Variants in KANTR observed in about 807,000 individuals in gnomAD.
KANTR encodes KDM5C adjacent transcript.
At chrX:53,138,463 G>A (rs190145234) in intron 2 of KANTR, among the ~76,000 whole-genome samples, 4,366 of 106,453 alleles carry the variant, frequency 0.041, 223 homozygotes, top group African/African-American at 0.14. Flanking sequence ...GAGAGTTCAA[G>A]ACCAGCCTGA....
chrX:53,132,662 G>A (rs782082483), intron 2 of KANTR, among the ~76,000 whole-genome samples: 3 of 111,390 alleles, frequency 2.7e-5, no homozygotes, highest in African/African-American at 9.8e-5. Flanking sequence ...TATCCCCATG[G>A]GCCCTCCAAA....
In KANTR at chrX:53,101,981, C is replaced by T. The variant is rs781960219; in HGVS notation, c.-805+2373C>T. 6.0e-5 allele frequency among the ~76,000 whole-genome samples: 6 copies of T among 100,127 alleles called. No homozygotes were observed. The South Asian group carries it at 2.8e-3, about 47-fold the overall frequency. 86.9% of individuals were successfully genotyped at this position (100,127 alleles called of 115,157 possible). A position where few individuals can be genotyped will look rare whatever the true frequency, so the allele number is the denominator to read the frequency against. On this transcript the variant is annotated intron_variant, in intron 2 of 2. Transcript: ENST00000604062. ...CGCCACTGCACTCTAGCCTGGGTGACAGGAGTGAAACCCTGTCTCAAAAAA... is the reference window on the plus strand; with the variant it reads ...CGCCACTGCACTCTAGCCTGGGTGATAGGAGTGAAACCCTGTCTCAAAAAA...
intron 2 of KANTR, among the ~76,000 whole-genome samples, chrX:53,140,836 C>A (rs1465681334): frequency 8.9e-6 from 1 of 112,044 alleles, no homozygotes; most frequent in African/African-American, 3.2e-5. Context: ...TAAAGTATCT[C>A]TAACATTTGT....
intron 2 of KANTR, among the ~76,000 whole-genome samples, chrX:53,115,984 C>T (rs1420626741): frequency 5.4e-5 from 6 of 111,937 alleles, no homozygotes; most frequent in African/African-American, 1.9e-4. Flanking sequence ...TGTTGTTGGT[C>T]TGTTTTTGTT....
chrX:53,096,306 C>G (rs1556810831), intron 1 of KANTR, among the ~76,000 whole-genome samples: 1 of 112,341 alleles, frequency 8.9e-6, no homozygotes, highest in African/African-American at 3.2e-5. Flanking sequence ...TAAAATAGTG[C>G]TTGACACCTA....
At chrX:53,142,814 T>C (rs1335723345), downstream of KANTR, 6 of 479,112 alleles carry the variant, frequency 1.3e-5, no homozygotes, top group African/African-American at 1.4e-4. Context: ...CCCACATGCT[T>C]GCAGTCCATT....
At chrX:53,115,486 GC>G (rs1933110240) in intron 2 of KANTR, among the ~76,000 whole-genome samples, 1 of 112,700 alleles carries the variant, frequency 8.9e-6, no homozygotes, top group African/African-American at 3.2e-5. Context: ...ATGGGGGCTA[GC>G]CTGGCACTGG....
At chrX:53,103,521 C>G (rs1932913197) in intron 2 of KANTR, among the ~76,000 whole-genome samples, 1 of 111,039 alleles carries the variant, frequency 9.0e-6, no homozygotes, top group Admixed American at 9.7e-5. Flanking sequence ...CCTGGGCGGA[C>G]AGTCTCACTT....
chrX:53,104,255 C>T (rs1556812319), intron 2 of KANTR, among the ~76,000 whole-genome samples: 1 of 110,354 alleles, frequency 9.1e-6, no homozygotes, highest in African/African-American at 3.3e-5. Context: ...GAGACAGCCT[C>T]TCGCTCTGTC....
At chrX:53,100,685 C>G (rs1419567745) in intron 2 of KANTR, among the ~76,000 whole-genome samples, 2 of 109,336 alleles carry the variant, frequency 1.8e-5, no homozygotes, top group Admixed American at 9.9e-5. Context: ...GTAATCCCAG[C>G]TACTCAAGAG....
At chrX:53,140,638 A>T (rs1435645882) in intron 2 of KANTR, among the ~76,000 whole-genome samples, 2 of 110,875 alleles carry the variant, frequency 1.8e-5, no homozygotes, top group Admixed American at 9.6e-5. Context: ...ATTAAGCACA[A>T]AAAGGCCAAA....
exon 3 of KANTR, chrX:53,127,254 C>G (rs1409465453): frequency 8.9e-6 from 1 of 111,968 alleles, no homozygotes; most frequent in African/African-American, 3.2e-5. Context: ...GTATGTTTTT[C>G]TACAAAGCAC....
intron 2 of KANTR, among the ~76,000 whole-genome samples, chrX:53,121,473 C>T (rs1933219473): frequency 1.8e-5 from 2 of 111,751 alleles, no homozygotes; most frequent in Admixed American, 1.9e-4. Context: ...CTTTACATGG[C>T]TTTATCAGTT....
intron 2 of KANTR, among the ~76,000 whole-genome samples, chrX:53,106,872 A>T (rs1556812899): frequency 1.8e-5 from 2 of 110,462 alleles, no homozygotes; most frequent in Non-Finnish European, 3.8e-5. Flanking sequence ...AGTCCCAGCT[A>T]CTAGAGAGGC....
downstream of KANTR, chrX:53,143,291 G>T: frequency 1.7e-6 from 1 of 605,853 alleles, no homozygotes; most frequent in Non-Finnish European, 2.8e-6. Flanking sequence ...TCTCGTTGAT[G>T]TCGCGCACAA....
chrX:53,102,341 AT>A (rs1932902024), intron 2 of KANTR, among the ~76,000 whole-genome samples: 2 of 112,181 alleles, frequency 1.8e-5, no homozygotes, highest in Admixed American at 1.9e-4. Context: ...ACATTTAGTT[AT>A]CATGCCTCCT....
At chrX:53,142,999 G>C, downstream of KANTR, 1 of 1,133,829 alleles carries the variant, frequency 8.8e-7, no homozygotes, top group South Asian at 1.8e-5. Context: ...GGTGATGCCA[G>C]GGCACATGGT....
chrX:53,146,267 A>T (rs1313976618), downstream of KANTR, among the ~76,000 whole-genome samples: 4 of 111,741 alleles, frequency 3.6e-5, no homozygotes, highest in African/African-American at 1.3e-4. Context: ...CAAATCACTA[A>T]CTAGAATAAC....
chrX:53,141,110 G>A (rs1211094512), intron 2 of KANTR, among the ~76,000 whole-genome samples: 1 of 113,004 alleles, frequency 8.8e-6, no homozygotes, highest in Non-Finnish European at 1.9e-5. Flanking sequence ...GCAGTGAGCC[G>A]AGATCGTGCC....
Sources: gnomAD v4.1 joint callset for allele counts (sites outside exome capture counted in the v4.1 genomes callset) on GRCh38, gnomAD v4.1.1 for gene constraint, MANE v1.5 for transcripts, NCBI Gene and HGNC (gene_info 2026-07-23, HGNC 2026-07-21) for gene names.